The following RPS3 variants were observed in gnomAD, a reference collection of about 807,000 sequenced individuals.
RPS3 encodes small ribosomal subunit protein uS3.
Under a neutral mutation model 25.8 loss-of-function variants are expected in RPS3, and 2 were observed. The ratio of observed to expected loss-of-function variants is 0.08; its 90% CI spans 0.03 to 0.24. RPS3 has a LOEUF of 0.24. Among genes scored for constraint, RPS3 ranks in the 10% least tolerant of loss-of-function variants. The probability of loss-of-function intolerance (pLI) is 1.00; values close to 1 mark genes in which losing one functional copy is unlikely to be tolerated. For missense variants in RPS3, 107 were observed against 307.1 expected (o/e 0.35, Z 4.87); for synonymous variants, 114 against 114.2 (o/e 1.00, Z 0.01).
At chr11:75,409,723 G>C (rs1948325666), downstream of RPS3, among the ~76,000 whole-genome samples, 1 of 150,912 alleles carries the variant, frequency 6.6e-6, no homozygotes, top group Admixed American at 6.6e-5. Flanking sequence ...ACGGGGTCGT[G>C]GCCGGGCAGA....
Position 75,405,790 on chromosome 11 carries a change from A to G in RPS3, c.*180A>G. The G allele has an allele frequency of 5.2e-6, 2 of 381,586 alleles. No individual in the cohort carries two copies. The highest frequency in any genetic ancestry group is 1.0e-5 in the Non-Finnish European group (2 of 192,986). 23.6% of individuals were successfully genotyped at this position (381,586 alleles called of 1,614,324 possible). On this transcript the variant is annotated 3_prime_UTR_variant, in exon 7 of 7. Coordinates refer to ENST00000531188, the MANE Select transcript of RPS3 (RefSeq NM_001005.5). ...TTTAACCATACTTGTGGTATTTGCA[A>G]GGGCCAGAACAGTAAGACCCAAGCA...
downstream of RPS3, among the ~76,000 whole-genome samples, chr11:75,411,451 G>A (rs1368207606): frequency 6.6e-6 from 1 of 152,034 alleles, no homozygotes; most frequent in Non-Finnish European, 1.5e-5. Context: ...GTGCAGTGGC[G>A]CAATCTCGGC....
chr11:75,411,602 G>A (rs1299596951), downstream of RPS3, among the ~76,000 whole-genome samples: 1 of 151,184 alleles, frequency 6.6e-6, no homozygotes, highest in Non-Finnish European at 1.5e-5. Flanking sequence ...ATGTTAGCTA[G>A]GATGGTCTCG....
Position 75,404,651 on chromosome 11 carries a change from A to G in RPS3, c.539-21A>G. 1.3e-6 allele frequency: 2 copies of G among 1,599,028 alleles called. No individual in the cohort carries two copies. Among genetic ancestry groups the G allele is most frequent in the Non-Finnish European group, 1.7e-6 (2 of 1,169,014 alleles). On this transcript the variant is annotated intron_variant, in intron 5 of 6. Coordinates refer to ENST00000531188, the MANE Select transcript of RPS3 (RefSeq NM_001005.5). The surrounding 1 kb of genome is among the most constrained non-coding windows in gnomAD (Gnocchi z 4.6). ...GCCTTTGAGACCCCAGCTGTGTGCT[A>G]ACAACTGTGGTGTCCTCTAGGTGTG...
chr11:75,417,861 A>G (rs183275097), intron 6 of RPS3, among the ~76,000 whole-genome samples: 1 of 152,332 alleles, frequency 6.6e-6, no homozygotes, highest in Non-Finnish European at 1.5e-5. Context: ...GTACACCTGT[A>G]AGGGGATGCT....
Position 75,404,287 on chromosome 11 carries a change from GT to G in RPS3, c.538+83del. ...ACAGACATCTTAAGTATTTGGGGGA[GT>G]TTATCATGGAAGTAGCTGGGCATGT... On this transcript the variant is annotated intron_variant, in intron 5 of 6. Transcript: ENST00000531188. The surrounding 1 kb of genome is among the most constrained non-coding windows in gnomAD (Gnocchi z 4.6). 7.6e-7 allele frequency: 1 copy of G among 1,307,922 alleles called. No individual in the cohort carries two copies. Among genetic ancestry groups the G allele is most frequent in the Non-Finnish European group, 1.1e-6 (1 of 918,940 alleles). 81.0% of individuals were successfully genotyped at this position (1,307,922 alleles called of 1,614,324 possible).
chr11:75,411,185 T>C (rs1417525333), downstream of RPS3, among the ~76,000 whole-genome samples: 1 of 152,040 alleles, frequency 6.6e-6, no homozygotes, highest in Admixed American at 6.5e-5. Context: ...CTAATTTTTA[T>C]ATTTTTAGTA....
chr11:75,407,460 G>A (rs1948300725), downstream of RPS3, among the ~76,000 whole-genome samples: 1 of 152,006 alleles, frequency 6.6e-6, no homozygotes, highest in Admixed American at 6.6e-5. Context: ...TTGAACATCC[G>A]CAAATTATTT....
rs1948287463 is a variant in RPS3, at chr11:75,406,324, GGCAAAACTAGTGA to G, written c.*716_*728del. 1 of 152,158 alleles carries G rather than the reference GGCAAAACTAGTGA, an allele frequency of 6.6e-6. No individual in the cohort carries two copies. The highest frequency in any genetic ancestry group is 1.5e-5 in the Non-Finnish European group (1 of 68,018). 9.4% of individuals were successfully genotyped at this position (152,158 alleles called of 1,614,324 possible). On this transcript the variant is annotated 3_prime_UTR_variant, in exon 7 of 7. Transcript: ENST00000531188. ...CAAGAAATTCGGCACTATTTTTTCA[GGCAAAACTAGTGA>G]GGGACAGGTTGGCTTGAAAATCATG...
At chr11:75,415,429 T>C (rs1948387500) in intron 6 of RPS3, among the ~76,000 whole-genome samples, 1 of 152,098 alleles carries the variant, frequency 6.6e-6, no homozygotes, top group Non-Finnish European at 1.5e-5. Context: ...CACCAGCATT[T>C]TGGGAGGCCT....
chr11:75,404,826 A>G lies in RPS3; in HGVS notation c.693A>G (p.Pro231=). The change falls in exon 6 of 7, where the codon CCA becomes CCG. Residue 231 remains proline, a synonymous_variant. Transcript: ENST00000531188. The surrounding 1 kb of genome is among the most constrained non-coding windows in gnomAD (Gnocchi z 4.6). ...TCTCAGAACAGAAGGGTGGGAAGCC[A>G]GAGCCGCCTGCCATGCCCCAGCCAG... is the stretch of plus-strand genomic sequence containing the variant. ...TPISEQKGGK[P]EPPAMPQPVP... 1 of 1,612,752 alleles carries G rather than the reference A, an allele frequency of 6.2e-7. No homozygotes were observed. Among genetic ancestry groups the G allele is most frequent in the Non-Finnish European group, 8.5e-7 (1 of 1,179,298 alleles).
intron 6 of RPS3, among the ~76,000 whole-genome samples, chr11:75,416,000 T>C (rs1292220761): frequency 7.1e-6 from 1 of 140,618 alleles, no homozygotes; most frequent in African/African-American, 2.6e-5. Context: ...AAAAAAGACA[T>C]CAACACTCAT....
chr11:75,401,218 C>G (rs960225185), intron 2 of RPS3, among the ~76,000 whole-genome samples: 1 of 152,136 alleles, frequency 6.6e-6, no homozygotes, highest in East Asian at 1.9e-4. Context: ...ACAGACGGAA[C>G]AGTGAATCTG....
At chr11:75,409,401 T>C (rs1263069738), downstream of RPS3, among the ~76,000 whole-genome samples, 2 of 136,038 alleles carry the variant, frequency 1.5e-5, no homozygotes, top group South Asian at 5.0e-4. Context: ...ACGAGCATGC[T>C]GCCTTCAAGC....
chr11:75,409,808 C>CG (rs1284770903), downstream of RPS3, among the ~76,000 whole-genome samples: 1 of 138,354 alleles, frequency 7.2e-6, no homozygotes. Flanking sequence ...GCTGGCTGGG[C>CG]GGGGGGCTGA....
chr11:75,400,604 G>C, intron 1 of RPS3, 90 bp from the exon 2 acceptor site: 1 of 1,560,138 alleles, frequency 6.4e-7, no homozygotes, highest in East Asian at 2.3e-5. Context: ...TTTTGGTGAG[G>C]GATGCATTGA....
In RPS3 at chr11:75,413,479, A is replaced by G. The variant is rs61896043; in HGVS notation, c.*4-8248A>G. On this transcript the variant is annotated intron_variant, in intron 6 of 6. Coordinates refer to the RPS3 transcript ENST00000527446. ...CACCGTGTTAGCCAGGATGGTCTCT[A>G]TCTCCTGACCTTGTGATCCGCCCTC... Among the ~76,000 whole-genome samples, 818 of 151,834 alleles carry G rather than the reference A, an allele frequency of 5.4e-3. 4 individuals are homozygous for G. Among genetic ancestry groups the G allele is most frequent in the Middle Eastern group, 0.014 (4 of 290 alleles).
downstream of RPS3, among the ~76,000 whole-genome samples, chr11:75,411,684 C>T (rs1294140890): frequency 6.6e-6 from 1 of 152,200 alleles, no homozygotes; most frequent in Admixed American, 6.5e-5. Flanking sequence ...GCCACTGCAC[C>T]CAGCCCTTAA....
chr11:75,407,593 C>T (rs903546171), downstream of RPS3, among the ~76,000 whole-genome samples: 6 of 152,212 alleles, frequency 3.9e-5, no homozygotes, highest in African/African-American at 7.2e-5. Context: ...CTCAGCCTCC[C>T]GAGTAGCTGG....
Sources: gnomAD v4.1 joint callset for allele counts (sites outside exome capture counted in the v4.1 genomes callset) on GRCh38, gnomAD v4.1.1 for gene constraint, Gnocchi (gnomAD v3.1) non-coding constraint, MANE v1.5 for transcripts, NCBI Gene and HGNC (gene_info 2026-07-23, HGNC 2026-07-21) for gene names.